Variants in UGT1A4 observed in about 807,000 individuals in gnomAD.
UGT1A4 encodes UDP glucuronosyltransferase family 1 member A4.
A neutral mutation model predicts 41.1 loss-of-function variants in UGT1A4; 32 were observed. The ratio of observed to expected loss-of-function variants is 0.78; its 90% CI spans 0.59 to 1.05. UGT1A4 has a LOEUF of 1.05. Ranked by LOEUF, UGT1A4 falls within the 50% of genes least tolerant of loss-of-function variation. The pLI is 0.00. For missense variants in UGT1A4, 748 were observed against 677.4 expected, an observed-to-expected ratio of 1.10 and a Z score of -1.16; for synonymous variants, 283 against 265.1, an observed-to-expected ratio of 1.07 and a Z score of -0.66.
In UGT1A4 at chr2:233,769,855, CT is replaced by C; in HGVS notation, c.1307+1417del. 1 of 372,068 alleles carries C rather than the reference CT, an allele frequency of 2.7e-6. No individual in the cohort carries two copies. Among genetic ancestry groups the C allele is most frequent in the Non-Finnish European group, 4.4e-6 (1 of 226,688 alleles). The allele number at this position is 372,068 out of a possible 1,614,324, so 23.0% of individuals were successfully genotyped here. A position where few individuals can be genotyped will look rare whatever the true frequency, so the allele number is the denominator to read the frequency against. On this transcript the variant is annotated intron_variant, in intron 4 of 4. Coordinates refer to ENST00000373409, the MANE Select transcript of UGT1A4 (RefSeq NM_007120.3). This position sits in a 1 kb window ranked among gnomAD's most constrained non-coding sequence, Gnocchi z 4.4. ...CCTGGGCAACAGAGTGAGACCCTGT[CT>C]CAAAAAAAAAAAAAAAAATGAAAAG... is the stretch of plus-strand genomic sequence containing the variant.
chr2:233,729,786 G>C, intron 1 of UGT1A4: 4 of 1,613,972 alleles, frequency 2.5e-6, no homozygotes, highest in Non-Finnish European at 3.4e-6. Context: ...CTCTGGCCCT[G>C]TCCTACATTT....
At chr2:233,726,844 C>T (rs1432960908) in intron 1 of UGT1A4, among the ~76,000 whole-genome samples, 1 of 152,154 alleles carries the variant, frequency 6.6e-6, no homozygotes, top group Admixed American at 6.5e-5. Flanking sequence ...AATTTTTGTT[C>T]CTTTTCTCCA....
rs1700239746 is a variant in UGT1A4, at chr2:233,771,113, A to C, written c.1308-1149A>C. The C allele has an allele frequency of 2.0e-5, 3 of 152,176 alleles. No homozygotes were observed. The South Asian group carries it at 6.2e-4, about 32-fold the overall frequency. The allele number at this position is 152,176 out of a possible 1,614,324, so 9.4% of individuals were successfully genotyped here. A position where few individuals can be genotyped will look rare whatever the true frequency, so the allele number is the denominator to read the frequency against. ...TATCAGGAAGACAGCACTAAAGCAC[A>C]AGGGATCCGACCCCATGATCCAAAC... is the stretch of plus-strand genomic sequence containing the variant. On this transcript the variant is annotated intron_variant, in intron 4 of 4. Transcript: ENST00000373409.
chr2:233,755,271 C>CATAG, intron 1 of UGT1A4: 1 of 755,820 alleles, frequency 1.3e-6, no homozygotes. Flanking sequence ...GTCCACTATG[C>CATAG]TGGACTGCCA....
intron 1 of UGT1A4, chr2:233,753,788 C>T (rs970692260): frequency 7.9e-5 from 12 of 152,166 alleles, no homozygotes; most frequent in Non-Finnish European, 1.8e-4. Context: ...CTTTACATTT[C>T]CAGGACCTAC....
At chr2:233,733,970 C>T (rs1298818177) in intron 1 of UGT1A4, among the ~76,000 whole-genome samples, 52 of 151,482 alleles carry the variant, frequency 3.4e-4, no homozygotes, top group East Asian at 9.7e-4. Flanking sequence ...GTAGGGGGAG[C>T]GGGGAGGGAT....
chr2:233,762,546 T>C (rs1698100771), intron 1 of UGT1A4, among the ~76,000 whole-genome samples: 1 of 152,252 alleles, frequency 6.6e-6, no homozygotes. Context: ...CCACAGTGTA[T>C]TCTGCTGGAG....
intron 1 of UGT1A4, among the ~76,000 whole-genome samples, chr2:233,760,000 T>C (rs1697300608): frequency 6.6e-6 from 1 of 152,218 alleles, no homozygotes; most frequent in Admixed American, 6.5e-5. Context: ...TCTGTGGAAA[T>C]ACTAATTTAA....
chr2:233,771,891 A>G (rs1700404574), intron 4 of UGT1A4, among the ~76,000 whole-genome samples: 1 of 145,462 alleles, frequency 6.9e-6, no homozygotes, highest in Admixed American at 7.2e-5. Context: ...TTTCTTAATT[A>G]TAACCTTTCA....
intron 1 of UGT1A4, chr2:233,760,248 A>ATT (rs606231201): frequency 6.2e-7 from 1 of 1,609,150 alleles, no homozygotes; most frequent in South Asian, 1.1e-5. Context: ...ATATATATAT[A>ATT]AGTAGGAGAG....
chr2:233,755,221 C>G, intron 1 of UGT1A4: 1 of 995,834 alleles, frequency 1.0e-6, no homozygotes. Flanking sequence ...TTGATACCCT[C>G]GGACGAGGCC....
In UGT1A4 at chr2:233,734,393, C is replaced by T. The variant is rs557317498; in HGVS notation, c.867+14706C>T. On this transcript the variant is annotated intron_variant, in intron 1 of 4. Transcript: ENST00000373409. ...ATATTGCCTTTACTATTTTTTATTG[C>T]GTCTATTTGATTCTTCTCTCTTTTC... Among the ~76,000 whole-genome samples, 8 of 152,072 alleles carry T rather than the reference C, an allele frequency of 5.3e-5. No homozygotes were observed. In the East Asian group the frequency reaches 7.7e-4, roughly 15 times the overall value.
Position 233,767,856 on chromosome 2 carries a change from G to C in UGT1A4, c.1007G>C (p.Trp336Ser), listed in dbSNP as rs1181740769. ...ALGKIPQTVL[W>S]RYTGTRPSNL... Reference sequence around the variant, plus strand: ...TCTTTTTGCCCCTCCCAGGTCCTGTGGCGGTACACTGGAACCCGACCATCG... The same window carrying C: ...TCTTTTTGCCCCTCCCAGGTCCTGTCGCGGTACACTGGAACCCGACCATCG... The change falls in exon 3 of 5, where the codon TGG becomes TCG. Residue 336 changes from tryptophan (W) to serine (S), a missense_variant. Physicochemically the swap from Trp to Ser is radical, Grantham distance 177. Coordinates refer to ENST00000373409, the MANE Select transcript of UGT1A4 (RefSeq NM_007120.3). 1 of 1,614,108 alleles carries C rather than the reference G, an allele frequency of 6.2e-7. No individual in the cohort carries two copies. Among genetic ancestry groups the C allele is most frequent in the South Asian group, 1.1e-5 (1 of 91,082 alleles).
intron 1 of UGT1A4, among the ~76,000 whole-genome samples, chr2:233,726,689 C>T (rs1298047788): frequency 2.0e-5 from 3 of 152,182 alleles, no homozygotes; most frequent in Non-Finnish European, 2.9e-5. Flanking sequence ...CCACCTGTAA[C>T]GGAACATATT....
chr2:233,744,046 C>G, intron 1 of UGT1A4: 1 of 729,302 alleles, frequency 1.4e-6, no homozygotes, highest in Non-Finnish European at 1.9e-6. Flanking sequence ...GCAGCCACAT[C>G]TCATTGGTCG....
intron 1 of UGT1A4, among the ~76,000 whole-genome samples, chr2:233,720,986 C>T (rs931930745): frequency 6.6e-6 from 1 of 151,446 alleles, no homozygotes; most frequent in Admixed American, 6.6e-5. Flanking sequence ...GCTGGGATTA[C>T]AGGCAAGAGC....
At position 233,747,357 on chromosome 2, in the gene UGT1A4, C is replaced by T. The variant is rs115834808; in HGVS notation, c.868-19677C>T. On this transcript the variant is annotated intron_variant, in intron 1 of 4. Coordinates refer to ENST00000373409, the MANE Select transcript of UGT1A4 (RefSeq NM_007120.3). ...ACTGGCTCGCATGCGGGAGGCCGTG[C>T]GGGAGCTCCATGCCAGAGGCCACCA... 7.9e-3 allele frequency: 12,675 copies of T among 1,602,394 alleles called. 83 individuals are homozygous for T. The highest frequency in any genetic ancestry group is 9.8e-3 in the Non-Finnish European group (11,526 of 1,171,410).
intron 1 of UGT1A4, among the ~76,000 whole-genome samples, chr2:233,744,897 C>T (rs1246744781): frequency 6.6e-6 from 1 of 151,970 alleles, no homozygotes; most frequent in East Asian, 1.9e-4. Context: ...CCTCTCCATA[C>T]CAAAATCTAG....
At chr2:233,743,803 G>A (rs568702968) in intron 1 of UGT1A4, 1 of 1,367,298 alleles carries the variant, frequency 7.3e-7, no homozygotes, top group Admixed American at 1.9e-5. Context: ...CTTCCTCCTT[G>A]TTCTCAGGGT....
Sources: allele counts gnomAD v4.1 joint callset (sites outside exome capture counted in the v4.1 genomes callset), GRCh38; gene constraint gnomAD v4.1.1; non-coding constraint Gnocchi (gnomAD v3.1); transcripts MANE v1.5; gene names NCBI Gene and HGNC (gene_info 2026-07-23, HGNC 2026-07-21).